The following PIBF1 variants were observed in gnomAD, a reference collection of about 807,000 sequenced individuals.
PIBF1 encodes the protein progesterone-induced-blocking factor 1.
In PIBF1, 90 loss-of-function variants were observed where a neutral mutation model predicts 112.5. The observed-to-expected ratio is 0.80, with a 90% confidence interval of 0.67 to 0.95. The LOEUF is 0.95. Ranked by LOEUF, PIBF1 falls within the 40% of genes least tolerant of loss-of-function variation. PIBF1 has a pLI of 0.00. For synonymous variants in PIBF1, 301 were observed against 288.6 expected (o/e 1.04, Z -0.44); for missense variants, 915 against 852.3 (o/e 1.07, Z -0.92).
intron 15 of PIBF1, among the ~76,000 whole-genome samples, chr13:72,972,896 A>C (rs2042933313): frequency 6.6e-6 from 1 of 152,206 alleles, no homozygotes; most frequent in South Asian, 2.1e-4. Context: ...TTAGTTTGTA[A>C]AATATTACTT....
intron 16 of PIBF1, among the ~76,000 whole-genome samples, chr13:72,994,963 G>A (rs931045382): frequency 3.9e-5 from 6 of 152,108 alleles, no homozygotes; most frequent in Non-Finnish European, 7.3e-5. Context: ...GTCGGTGTAA[G>A]ACATATTCAA....
At chr13:72,839,391 CT>C (rs1485640347) in intron 9 of PIBF1, among the ~76,000 whole-genome samples, 1 of 152,136 alleles carries the variant, frequency 6.6e-6, no homozygotes, top group African/African-American at 2.4e-5. Context: ...AAATACAAAG[CT>C]TTAATAGGAA....
At chr13:72,949,915 A>G (rs1389862105) in intron 14 of PIBF1, among the ~76,000 whole-genome samples, 1 of 152,210 alleles carries the variant, frequency 6.6e-6, no homozygotes, top group African/African-American at 2.4e-5. Context: ...AAGAAAGGTG[A>G]AAAAGTAAGA....
At chr13:72,925,542 CTT>C (rs59074858) in intron 13 of PIBF1, among the ~76,000 whole-genome samples, 39 of 102,024 alleles carry the variant, frequency 3.8e-4, no homozygotes, top group Admixed American at 1.6e-3. Context: ...CTTTCTCTCT[CTT>C]TTTTTTTTTT....
At position 72,919,072 on chromosome 13, in the gene PIBF1, T is replaced by A. The variant is rs113553699; in HGVS notation, c.1730+1906T>A. On this transcript the variant is annotated intron_variant, in intron 13 of 17. Coordinates refer to ENST00000326291, the MANE Select transcript of PIBF1 (RefSeq NM_006346.4). The stretch of plus-strand genomic sequence containing the variant: ...CTCAGTGCAGGATACCTAGTAAAAT[T>A]GTTTCTTCATCAGAGCGTTTGAGAA... Among the ~76,000 whole-genome samples, 556 of 152,312 alleles carry A rather than the reference T, an allele frequency of 3.7e-3. 7 individuals carry two copies. The highest frequency in any genetic ancestry group is 0.012 in the African/African-American group (508 of 41,576).
intron 6 of PIBF1, among the ~76,000 whole-genome samples, chr13:72,823,662 A>C (rs2036669500): frequency 6.6e-6 from 1 of 152,248 alleles, no homozygotes; most frequent in South Asian, 2.1e-4. Flanking sequence ...AATGCTTTTC[A>C]GTAGCAGAAT....
Position 72,917,093 on chromosome 13 carries a change from G to T in PIBF1, c.1657G>T (p.Ala553Ser). 6.3e-7 allele frequency: 1 copy of T among 1,591,678 alleles called. No homozygotes were observed. The highest frequency in any genetic ancestry group is 8.6e-7 in the Non-Finnish European group (1 of 1,168,246). Residue 553 changes from alanine to serine, a missense_variant, in exon 13 of 18, where the codon GCT becomes TCT. Physicochemically the swap from Ala to Ser is moderately conservative, Grantham distance 99 (BLOSUM62 1). Transcript: ENST00000326291. ...TTTTCCAGTTGAAAATGAAGATGAGGCTGAAAGGGTTCTTTTTTCCTACGG... is the reference window on the plus strand; with the variant it reads ...TTTTCCAGTTGAAAATGAAGATGAGTCTGAAAGGGTTCTTTTTTCCTACGG... ...QTAEIENEDE[A>S]ERVLFSYGYG...
chr13:72,828,009 T>A (rs922757844), intron 8 of PIBF1, 95 bp downstream of exon 8: 1 of 695,324 alleles, frequency 1.4e-6, no homozygotes, highest in African/African-American at 1.8e-5. Context: ...GTGATTTTTT[T>A]AAGGTCTATT....
At chr13:72,947,004 G>A (rs2138838789) in intron 14 of PIBF1, among the ~76,000 whole-genome samples, 1 of 152,314 alleles carries the variant, frequency 6.6e-6, no homozygotes, top group East Asian at 1.9e-4. Context: ...GTCCTAGTGT[G>A]GACTTTTTGT....
At chr13:72,917,226 G>C in intron 13 of PIBF1, 60 bp downstream of exon 13, 1 of 1,009,238 alleles carries the variant, frequency 9.9e-7, no homozygotes, top group Admixed American at 2.6e-5. Context: ...TTACATTTGT[G>C]CTTTCTGATA....
At chr13:72,994,827 T>G (rs2043596933) in intron 16 of PIBF1, among the ~76,000 whole-genome samples, 1 of 152,228 alleles carries the variant, frequency 6.6e-6, no homozygotes, top group Non-Finnish European at 1.5e-5. Context: ...TGTTTTCTAA[T>G]TATTGCCTGT....
chr13:72,990,835 G>A (rs560390728), intron 16 of PIBF1, among the ~76,000 whole-genome samples: 14 of 152,214 alleles, frequency 9.2e-5, no homozygotes, highest in South Asian at 6.2e-4. Context: ...GTGACAGAGC[G>A]AGACTCCATC....
At chr13:72,791,217 G>A (rs1477226218) in intron 2 of PIBF1, among the ~76,000 whole-genome samples, 1 of 152,064 alleles carries the variant, frequency 6.6e-6, no homozygotes, top group South Asian at 2.1e-4. Flanking sequence ...ACCACACCCG[G>A]CTAATTTTTT....
chr13:72,940,713 G>C (rs948081377), intron 14 of PIBF1, among the ~76,000 whole-genome samples: 7 of 152,096 alleles, frequency 4.6e-5, no homozygotes, highest in Non-Finnish European at 8.8e-5. Flanking sequence ...GGCAGAGAAG[G>C]GTTTATCGTA....
chr13:72,999,096 C>T (rs1244846137), intron 17 of PIBF1, 101 bp downstream of exon 17: 1 of 713,420 alleles, frequency 1.4e-6, no homozygotes, highest in Non-Finnish European at 2.3e-6. Flanking sequence ...TGAGTAGATT[C>T]CACAAATATG....
rs369541616 is a variant in PIBF1, at chr13:72,879,358, C to T, written c.1323-14426C>T. Among the ~76,000 whole-genome samples, 8 of 152,012 alleles carry T rather than the reference C, an allele frequency of 5.3e-5. No individual in the cohort carries two copies. In the East Asian group the frequency reaches 9.7e-4, roughly 18 times the overall value. ...AAGTCAAGGAGATCTACAATCCTCC[C>T]AACCAGAGAAGGAATGTTCTGAGTT... On this transcript the variant is annotated intron_variant, in intron 10 of 17. Coordinates refer to ENST00000326291, the MANE Select transcript of PIBF1 (RefSeq NM_006346.4).
chr13:72,998,729 T>G, intron 16 of PIBF1, 93 bp from the exon 17 acceptor site: 1 of 794,262 alleles, frequency 1.3e-6, no homozygotes, highest in South Asian at 1.7e-5. Context: ...GTATAATTGT[T>G]TCTTCTACTT....
At chr13:72,880,333 A>G (rs2039574366) in intron 10 of PIBF1, among the ~76,000 whole-genome samples, 3 of 152,214 alleles carry the variant, frequency 2.0e-5, no homozygotes, top group South Asian at 2.1e-4. Flanking sequence ...ACATGACAAG[A>G]CATCTTGGCC....
intron 10 of PIBF1, among the ~76,000 whole-genome samples, chr13:72,858,278 G>A (rs927866620): frequency 6.6e-6 from 1 of 152,030 alleles, no homozygotes; most frequent in Non-Finnish European, 1.5e-5. Context: ...TCTCGAATTC[G>A]TGACCTCAAG....
Sources: allele counts gnomAD v4.1 joint callset (sites outside exome capture counted in the v4.1 genomes callset), GRCh38; gene constraint gnomAD v4.1.1; transcripts MANE v1.5; gene names NCBI Gene and HGNC (gene_info 2026-07-23, HGNC 2026-07-21).